The following PACRG variants were observed in gnomAD, a reference collection of about 807,000 sequenced individuals.
PACRG encodes the protein parkin coregulated gene protein.
In PACRG, 29 loss-of-function variants were observed where a neutral mutation model predicts 29.7. That is an observed-to-expected ratio of 0.98 (90% CI 0.73 to 1.33). The LOEUF is 1.33. PACRG is among the 40% of genes most tolerant of loss of function. PACRG has a pLI of 0.00. For missense variants in PACRG, 279 were observed against 316.2 expected (o/e 0.88, Z 0.89); for synonymous variants, 116 against 118.7 (o/e 0.98, Z 0.15).
At chr6:162,815,188 A>G (rs1787228401) in intron 2 of PACRG, among the ~76,000 whole-genome samples, 1 of 152,166 alleles carries the variant, frequency 6.6e-6, no homozygotes, top group Admixed American at 6.5e-5. Context: ...GTTTTGGCCA[A>G]CTATTAGTTA....
intron 4 of PACRG, chr6:163,095,427 G>A (rs1380740878): frequency 1.0e-6 from 1 of 985,064 alleles, no homozygotes; most frequent in Non-Finnish European, 1.2e-6. Flanking sequence ...ATCCAGCTCT[G>A]AAGGCTGTGT....
chr6:163,198,668 G>A (rs964070212), intron 4 of PACRG, among the ~76,000 whole-genome samples: 1 of 152,090 alleles, frequency 6.6e-6, no homozygotes, highest in Non-Finnish European at 1.5e-5. Context: ...CATCTGCCCC[G>A]GTGTTTGATA....
At chr6:163,208,893 G>T (rs1355348458) in intron 4 of PACRG, among the ~76,000 whole-genome samples, 2 of 152,178 alleles carry the variant, frequency 1.3e-5, no homozygotes, top group African/African-American at 4.8e-5. Context: ...AAACAGAAAA[G>T]CACATTAGCT....
chr6:163,148,947 T>C (rs1408154278), intron 4 of PACRG, among the ~76,000 whole-genome samples: 1 of 70,842 alleles, frequency 1.4e-5, no homozygotes, highest in Non-Finnish European at 2.6e-5. Context: ...GAGGGTTTTG[T>C]GAAAAATCTA....
At chr6:162,912,572 C>A (rs1158694810) in intron 2 of PACRG, among the ~76,000 whole-genome samples, 1 of 137,080 alleles carries the variant, frequency 7.3e-6, no homozygotes, top group East Asian at 2.1e-4. Context: ...ATATTATATT[C>A]TTTTTTTTTT....
intron 2 of PACRG, among the ~76,000 whole-genome samples, chr6:162,947,594 TC>T (rs1419462758): frequency 6.1e-4 from 13 of 21,278 alleles, no homozygotes; most frequent in Middle Eastern, 0.056. Flanking sequence ...ATATATATAA[TC>T]ATATATATAT....
chr6:163,109,571 G>A (rs1815593734), intron 4 of PACRG, among the ~76,000 whole-genome samples: 1 of 152,110 alleles, frequency 6.6e-6, no homozygotes, highest in Admixed American at 6.5e-5. Flanking sequence ...CATTATCTGA[G>A]TCCTATCTAA....
chr6:162,956,967 T>A (rs1800094184), intron 2 of PACRG, among the ~76,000 whole-genome samples: 1 of 152,080 alleles, frequency 6.6e-6, no homozygotes, highest in Non-Finnish European at 1.5e-5. Flanking sequence ...GCATTTTTAA[T>A]GTAGGTAGTG....
At chr6:162,891,065 A>C (rs1794719477) in intron 2 of PACRG, among the ~76,000 whole-genome samples, 1 of 152,112 alleles carries the variant, frequency 6.6e-6, no homozygotes, top group African/African-American at 2.4e-5. Flanking sequence ...GTGGTCCGAT[A>C]CTTGTATTTG....
chr6:163,159,817 A>G (rs1778479922), intron 4 of PACRG, among the ~76,000 whole-genome samples: 1 of 152,158 alleles, frequency 6.6e-6, no homozygotes, highest in Non-Finnish European at 1.5e-5. Context: ...CAGAGATGAC[A>G]GTCCTAGGGT....
At chr6:162,967,320 T>G (rs74569445) in intron 2 of PACRG, among the ~76,000 whole-genome samples, 23,661 of 152,078 alleles carry the variant, frequency 0.16, 3,227 homozygotes, top group African/African-American at 0.36. Context: ...TTCTTACACT[T>G]TTATTTCCTA....
chr6:162,978,657 C>G (rs1444818149), intron 2 of PACRG, among the ~76,000 whole-genome samples: 1 of 151,754 alleles, frequency 6.6e-6, no homozygotes, highest in Non-Finnish European at 1.5e-5. Context: ...TTATTCTTGC[C>G]CTTCTAAAAA....
At chr6:163,063,394 G>A (rs563415488) in intron 3 of PACRG, among the ~76,000 whole-genome samples, 3 of 152,148 alleles carry the variant, frequency 2.0e-5, no homozygotes, top group Admixed American at 6.5e-5. Flanking sequence ...TTGACAGGAC[G>A]CTTAGCTAGT....
intron 2 of PACRG, among the ~76,000 whole-genome samples, chr6:162,888,244 G>A (rs913388773): frequency 5.9e-5 from 9 of 152,142 alleles, no homozygotes; most frequent in Middle Eastern, 6.8e-3. Flanking sequence ...GGCCATCACC[G>A]AGTTGAGCAC....
At chr6:163,085,357 A>T (rs910886826) in intron 3 of PACRG, among the ~76,000 whole-genome samples, 3 of 152,134 alleles carry the variant, frequency 2.0e-5, no homozygotes, top group African/African-American at 7.2e-5. Flanking sequence ...GAGATGAATA[A>T]AGAGAAAAGA....
chr6:163,199,105 G>C (rs1028739992), intron 4 of PACRG, among the ~76,000 whole-genome samples: 1 of 152,160 alleles, frequency 6.6e-6, no homozygotes, highest in Admixed American at 6.5e-5. Flanking sequence ...GCCGTTCCCA[G>C]CTTGACTTTT....
At chr6:163,071,683 A>C (rs1365107535) in intron 3 of PACRG, among the ~76,000 whole-genome samples, 2 of 147,098 alleles carry the variant, frequency 1.4e-5, no homozygotes, top group African/African-American at 5.1e-5. Context: ...GAAATAATAA[A>C]GACCAGATCT....
At chr6:163,010,853 C>G (rs558135317) in intron 2 of PACRG, among the ~76,000 whole-genome samples, 1 of 152,120 alleles carries the variant, frequency 6.6e-6, no homozygotes, top group East Asian at 1.9e-4. Context: ...AACAATAACC[C>G]GAGAGGCTGT....
At chr6:163,213,126 A>C (rs946900022) in intron 4 of PACRG, among the ~76,000 whole-genome samples, 2 of 152,202 alleles carry the variant, frequency 1.3e-5, no homozygotes, top group Admixed American at 6.5e-5. Context: ...TGGCTATGAA[A>C]TGGACAAATT....
Sources: gnomAD v4.1 joint callset for allele counts (sites outside exome capture counted in the v4.1 genomes callset) on GRCh38, gnomAD v4.1.1 for gene constraint, MANE v1.5 for transcripts, NCBI Gene and HGNC (gene_info 2026-07-23, HGNC 2026-07-21) for gene names.